ZNF804B: variants seen among roughly 807,000 people sequenced by gnomAD.
ZNF804B encodes zinc finger protein 804B, also known as zinc finger 804B.
In ZNF804B, 80 loss-of-function variants were observed where a neutral mutation model predicts 101.4. The ratio of observed to expected loss-of-function variants is 0.79; its 90% CI spans 0.66 to 0.95. The LOEUF (loss-of-function observed/expected upper bound fraction) is 0.95. ZNF804B is among the 40% of genes least tolerant of loss of function. The pLI, the probability that ZNF804B is intolerant of heterozygous loss-of-function variation, is 0.00. For missense variants in ZNF804B, 1,673 were observed against 1,561.9 expected, an observed-to-expected ratio of 1.07 and a Z score of -1.20; for synonymous variants, 622 against 558.8, an observed-to-expected ratio of 1.11 and a Z score of -1.59.
chr7:89,258,304 A>G (rs1202947904), intron 2 of ZNF804B, among the ~76,000 whole-genome samples: 1 of 152,068 alleles, frequency 6.6e-6, no homozygotes, highest in Non-Finnish European at 1.5e-5. Flanking sequence ...TAATCCTCTG[A>G]AGATACCAGG....
At chr7:89,194,398 C>T (rs1191965948) in intron 1 of ZNF804B, among the ~76,000 whole-genome samples, 1 of 150,564 alleles carries the variant, frequency 6.6e-6, no homozygotes, top group Non-Finnish European at 1.5e-5. Context: ...ATGCCTATGT[C>T]CTGAATGGTA....
chr7:89,140,363 G>A (rs1235762826), intron 1 of ZNF804B, among the ~76,000 whole-genome samples: 3 of 151,898 alleles, frequency 2.0e-5, no homozygotes, highest in Admixed American at 6.6e-5. Context: ...CAAGAGAGGC[G>A]GCCTGTCATT....
At chr7:88,825,288 A>G (rs1791037257) in intron 1 of ZNF804B, among the ~76,000 whole-genome samples, 1 of 152,154 alleles carries the variant, frequency 6.6e-6, no homozygotes. Flanking sequence ...CTTATGTGCT[A>G]TGGACTCTCT....
chr7:88,838,396 T>C (rs1205838612), intron 1 of ZNF804B, among the ~76,000 whole-genome samples: 1 of 151,966 alleles, frequency 6.6e-6, no homozygotes, highest in African/African-American at 2.4e-5. Flanking sequence ...CTGCTAAGTG[T>C]TTTGTTACAT....
At position 89,121,612 on chromosome 7, in the gene ZNF804B, T is replaced by C. The variant is rs181699556; in HGVS notation, c.109-96543T>C. On this transcript the variant is annotated intron_variant, in intron 1 of 3. Coordinates refer to ENST00000333190, the MANE Select transcript of ZNF804B (RefSeq NM_181646.5). ...ATTGGACTAAACTAAGTATTAGTTA[T>C]CATAGTAATGGATTAAAATATTGAC... Among the ~76,000 whole-genome samples the C allele has an allele frequency of 7.2e-4, 110 of 152,328 alleles. No individual in the cohort carries two copies. The Middle Eastern group carries it at 0.01, about 14-fold the overall frequency.
intron 1 of ZNF804B, among the ~76,000 whole-genome samples, chr7:89,130,888 G>A (rs1245962814): frequency 6.6e-6 from 1 of 151,944 alleles, no homozygotes; most frequent in Admixed American, 6.6e-5. Flanking sequence ...CATCTAAGCA[G>A]TCTTATCCCA....
At chr7:89,297,816 G>A (rs183999544) in intron 2 of ZNF804B, among the ~76,000 whole-genome samples, 6 of 151,632 alleles carry the variant, frequency 4.0e-5, no homozygotes, top group African/African-American at 1.2e-4. Context: ...TGAAGAGTAA[G>A]GACATTATTT....
intron 2 of ZNF804B, among the ~76,000 whole-genome samples, chr7:89,298,216 G>GTATATATATATATATA (rs1171165341): frequency 1.5e-4 from 4 of 27,520 alleles, no homozygotes; most frequent in Non-Finnish European, 2.4e-4. Flanking sequence ...GTGTGTGTGT[G>GTATATATATATATATA]TATATATATA....
chr7:89,298,216 G>GTGTGTATATATATA (rs1421058768), intron 2 of ZNF804B, among the ~76,000 whole-genome samples: 7 of 27,520 alleles, frequency 2.5e-4, no homozygotes, highest in African/African-American at 1.1e-3. Context: ...GTGTGTGTGT[G>GTGTGTATATATATA]TATATATATA....
chr7:88,986,676 T>C (rs780576150), intron 1 of ZNF804B, among the ~76,000 whole-genome samples: 2 of 152,112 alleles, frequency 1.3e-5, no homozygotes, highest in Admixed American at 6.6e-5. Context: ...TTACTTGATA[T>C]AGCTTCTCTA....
chr7:88,944,881 T>C (rs78329889), intron 1 of ZNF804B, among the ~76,000 whole-genome samples: 14,619 of 151,996 alleles, frequency 0.096, 904 homozygotes, highest in South Asian at 0.17. Flanking sequence ...AAATATATTG[T>C]ATAAAATTAC....
chr7:88,927,319 A>T (rs1792818964), intron 1 of ZNF804B, among the ~76,000 whole-genome samples: 1 of 152,216 alleles, frequency 6.6e-6, no homozygotes, highest in African/African-American at 2.4e-5. Context: ...TGAAAAAAAC[A>T]GTCTCATTCT....
chr7:89,051,960 A>T (rs1048762596), intron 1 of ZNF804B, among the ~76,000 whole-genome samples: 1 of 152,032 alleles, frequency 6.6e-6, no homozygotes, highest in Non-Finnish European at 1.5e-5. Context: ...TAATATATAC[A>T]CATTTTCCCC....
chr7:89,003,337 A>G (rs1244431522), intron 1 of ZNF804B, among the ~76,000 whole-genome samples: 1 of 151,916 alleles, frequency 6.6e-6, no homozygotes, highest in Non-Finnish European at 1.5e-5. Flanking sequence ...TAATACATTT[A>G]GTTGTTTTGC....
rs774304273 is a variant in ZNF804B at position 88,854,537 on chromosome 7, T to TTCCTTTCCTTCCCTTCCCTTC, written c.108+94453_108+94454insTCCTTTCCTTCCCTTCCCTTC. Among the ~76,000 whole-genome samples, 40 of 95,176 alleles carry TTCCTTTCCTTCCCTTCCCTTC rather than the reference T, an allele frequency of 4.2e-4. No individual in the cohort carries two copies. In the East Asian group the frequency reaches 6.1e-3, roughly 14 times the overall value. The allele number at this position is 95,176 out of a possible 152,430, so 62.4% of individuals were successfully genotyped here. ...CTTTCCTTTCCTTCCTTTCCTTCCT[T>TTCCTTTCCTTCCCTTCCCTTC]CCTTCCTTCCTTCCTTCCTTCCTTC... On this transcript the variant is annotated intron_variant, in intron 1 of 3. Transcript: ENST00000333190.
intron 1 of ZNF804B, among the ~76,000 whole-genome samples, chr7:88,954,721 G>GA (rs1248113424): frequency 6.6e-6 from 1 of 151,566 alleles, no homozygotes; most frequent in Non-Finnish European, 1.5e-5. Flanking sequence ...TCCTTTCCTA[G>GA]AAAAATGATT....
At chr7:88,875,783 A>AGAGGGAATCCTCGCTAACTC (rs1791927520) in intron 1 of ZNF804B, among the ~76,000 whole-genome samples, 1 of 152,202 alleles carries the variant, frequency 6.6e-6, no homozygotes, top group Non-Finnish European at 1.5e-5. Flanking sequence ...CAATAGAAAA[A>AGAGGGAATCCTCGCTAACTC]GAGGGAATCC....
At position 89,123,183 on chromosome 7, in the gene ZNF804B, CACTAAGCAA is replaced by C. The variant is rs542996827; in HGVS notation, c.109-94970_109-94962del. The stretch of plus-strand genomic sequence containing the variant: ...TTTTTTTTTTTTTTAATGTAGAGAT[CACTAAGCAA>C]ATATTTGTAGAAGGAAGGGAAGAAG... On this transcript the variant is annotated intron_variant, in intron 1 of 3. Transcript: ENST00000333190. Among the ~76,000 whole-genome samples, 452 of 150,276 alleles carry C rather than the reference CACTAAGCAA, an allele frequency of 3.0e-3. 2 individuals carry two copies. The highest frequency in any genetic ancestry group is 0.011 in the African/African-American group (429 of 40,622).
At chr7:88,776,846 A>G (rs1485871512) in intron 1 of ZNF804B, among the ~76,000 whole-genome samples, 2 of 138,600 alleles carry the variant, frequency 1.4e-5, no homozygotes, top group Non-Finnish European at 3.0e-5. Context: ...AAACATTTGT[A>G]TCAGTGTCTA....
Sources: gnomAD v4.1 joint callset for allele counts (sites outside exome capture counted in the v4.1 genomes callset) on GRCh38, gnomAD v4.1.1 for gene constraint, MANE v1.5 for transcripts, NCBI Gene and HGNC (gene_info 2026-07-23, HGNC 2026-07-21) for gene names.